The following EFCAB11 variants were observed in gnomAD, a reference collection of about 807,000 sequenced individuals.
EFCAB11 encodes the protein EF-hand calcium binding domain 11.
EFCAB11 carries 14 observed loss-of-function variants against 23.0 expected under a neutral mutation model. The ratio of observed to expected loss-of-function variants is 0.61; its 90% CI spans 0.40 to 0.95. The LOEUF (loss-of-function observed/expected upper bound fraction) is 0.95, where lower values mean the gene tolerates loss of function less well. EFCAB11 is among the 40% of genes least tolerant of loss of function. The pLI, the probability that EFCAB11 is intolerant of heterozygous loss-of-function variation, is 0.00. For synonymous variants in EFCAB11, 65 were observed against 66.6 expected, an observed-to-expected ratio of 0.98 and a Z score of 0.11; for missense variants, 198 against 195.8, an observed-to-expected ratio of 1.01 and a Z score of -0.07.
At chr14:89,939,973 G>A (rs578105756) in intron 3 of EFCAB11, among the ~76,000 whole-genome samples, 208 of 152,220 alleles carry the variant, frequency 1.4e-3, no homozygotes, top group African/African-American at 4.7e-3. Context: ...TCCTGACCTC[G>A]TGATCCACCT....
chr14:89,945,752 T>G (rs143881656), intron 3 of EFCAB11, among the ~76,000 whole-genome samples: 91 of 152,260 alleles, frequency 6.0e-4, no homozygotes, highest in Non-Finnish European at 1.0e-3. Flanking sequence ...TGGTTGACAG[T>G]GCTGTTCACG....
intron 5 of EFCAB11, among the ~76,000 whole-genome samples, chr14:89,814,082 CTAA>C (rs1886244447): frequency 1.9e-5 from 2 of 106,760 alleles, no homozygotes; most frequent in Non-Finnish European, 4.6e-5. Context: ...AAAAAAAAAA[CTAA>C]CCTTTTTTTT....
At chr14:89,939,657 A>G (rs922425305) in intron 3 of EFCAB11, among the ~76,000 whole-genome samples, 4 of 152,206 alleles carry the variant, frequency 2.6e-5, no homozygotes, top group African/African-American at 9.7e-5. Context: ...CTGAACTCTT[A>G]TAGGTTTTCT....
At chr14:89,840,027 G>A (rs1025828218) in intron 5 of EFCAB11, among the ~76,000 whole-genome samples, 3 of 152,244 alleles carry the variant, frequency 2.0e-5, no homozygotes, top group Non-Finnish European at 4.4e-5. Flanking sequence ...TGAGTCAAAA[G>A]GCAACAAAAT....
chr14:89,839,975 T>C (rs1368848319), intron 5 of EFCAB11, among the ~76,000 whole-genome samples: 2 of 152,184 alleles, frequency 1.3e-5, no homozygotes, highest in Admixed American at 6.5e-5. Flanking sequence ...TGAGATGAGA[T>C]TTGGGCAGAC....
rs10648464 is a variant in EFCAB11 at position 89,858,656 on chromosome 14, ATTTTTT to A, written c.411-61338_411-61333del. Among the ~76,000 whole-genome samples, 500 of 89,014 alleles carry A rather than the reference ATTTTTT, an allele frequency of 5.6e-3. 6 individuals are homozygous for A. Among genetic ancestry groups the A allele is most frequent in the African/African-American group, 0.018 (421 of 22,830 alleles). 58.4% of individuals were successfully genotyped at this position (89,014 alleles called of 152,430 possible). A position where few individuals can be genotyped will look rare whatever the true frequency, so the allele number is the denominator to read the frequency against. The stretch of plus-strand genomic sequence containing the variant: ...AGGTGTGCATCACCACACCCAGCTA[ATTTTTT>A]TTTTTTTTTTTTTTTTTTGTAGAGG... On this transcript the variant is annotated intron_variant, in intron 5 of 5. Transcript: ENST00000316738.
chr14:89,899,866 G>C (rs1230918512), intron 5 of EFCAB11, among the ~76,000 whole-genome samples: 1 of 152,090 alleles, frequency 6.6e-6, no homozygotes, highest in Non-Finnish European at 1.5e-5. Context: ...TGCACTGAGG[G>C]TAATACTGTG....
At chr14:89,804,230 G>A (rs1463743482) in intron 5 of EFCAB11, among the ~76,000 whole-genome samples, 1 of 152,184 alleles carries the variant, frequency 6.6e-6, no homozygotes, top group African/African-American at 2.4e-5. Flanking sequence ...CACAGAGCAG[G>A]TAGAACCCCT....
intron 3 of EFCAB11, among the ~76,000 whole-genome samples, chr14:89,944,432 A>G (rs1473684580): frequency 1.6e-4 from 25 of 152,226 alleles, no homozygotes; most frequent in Admixed American, 1.6e-3. Context: ...GGACACAGCC[A>G]ATCCATATCA....
chr14:89,949,550 G>C (rs1847142958), intron 3 of EFCAB11, among the ~76,000 whole-genome samples: 1 of 151,488 alleles, frequency 6.6e-6, no homozygotes, highest in Admixed American at 6.6e-5. Flanking sequence ...ATTTTTAGTA[G>C]AGACGGTGTT....
chr14:89,892,136 C>T (rs1888990791), intron 5 of EFCAB11: 1 of 1,556,238 alleles, frequency 6.4e-7, no homozygotes, highest in South Asian at 1.2e-5. Flanking sequence ...CATGGCCACT[C>T]AGGGCCCGGA....
chr14:89,824,756 G>A (rs954854071), intron 5 of EFCAB11, among the ~76,000 whole-genome samples: 7 of 152,060 alleles, frequency 4.6e-5, no homozygotes, highest in Non-Finnish European at 1.0e-4. Flanking sequence ...TACTGGTGGA[G>A]ATAATAAGAG....
At chr14:89,882,527 TCTCA>T (rs1396324479) in intron 5 of EFCAB11, among the ~76,000 whole-genome samples, 1 of 152,216 alleles carries the variant, frequency 6.6e-6, no homozygotes, top group Non-Finnish European at 1.5e-5. Context: ...CTATGACTTC[TCTCA>T]CTCTCTCTCT....
intron 5 of EFCAB11, among the ~76,000 whole-genome samples, chr14:89,805,252 G>C (rs1275189013): frequency 6.6e-6 from 1 of 152,180 alleles, no homozygotes; most frequent in Non-Finnish European, 1.5e-5. Context: ...TGGGGGAACA[G>C]ACCCCCACCC....
Position 89,842,621 on chromosome 14 carries a change from T to C in EFCAB11, c.411-45297A>G, listed in dbSNP as rs531317728. Among the ~76,000 whole-genome samples, 10 of 151,318 alleles carry C rather than the reference T, an allele frequency of 6.6e-5. No individual in the cohort carries two copies. In the East Asian group the frequency reaches 1.2e-3, roughly 18 times the overall value. ...TAATATGATATGATATGATATGATA[T>C]GATATGATATGATATGATATAATAT... is the stretch of plus-strand genomic sequence containing the variant. On this transcript the variant is annotated intron_variant, in intron 5 of 5. Transcript: ENST00000316738.
At chr14:89,953,758 G>C (rs1383002430) in intron 2 of EFCAB11, 148 bp downstream of exon 2, 3 of 594,950 alleles carry the variant, frequency 5.0e-6, no homozygotes, top group South Asian at 4.5e-5. Context: ...GAGGTGTTAA[G>C]AGGAAGCTAA....
intron 3 of EFCAB11, among the ~76,000 whole-genome samples, chr14:89,943,621 TCTTC>T (rs1276969137): frequency 1.3e-5 from 2 of 152,222 alleles, no homozygotes; most frequent in African/African-American, 4.8e-5. Context: ...ACATGTGCTC[TCTTC>T]CTTCAAGAGA....
At chr14:89,868,089 C>G (rs1888153841) in intron 5 of EFCAB11, among the ~76,000 whole-genome samples, 1 of 152,168 alleles carries the variant, frequency 6.6e-6, no homozygotes, top group South Asian at 2.1e-4. Flanking sequence ...ATTTGGAAAC[C>G]AATCCATTCT....
At chr14:89,940,227 T>C (rs1445030580) in intron 3 of EFCAB11, among the ~76,000 whole-genome samples, 1 of 152,162 alleles carries the variant, frequency 6.6e-6, no homozygotes, top group Non-Finnish European at 1.5e-5. Flanking sequence ...CCTTAATGTG[T>C]ATGCAGTTTC....
Sources: allele counts gnomAD v4.1 joint callset (sites outside exome capture counted in the v4.1 genomes callset), GRCh38; gene constraint gnomAD v4.1.1; transcripts MANE v1.5; gene names NCBI Gene and HGNC (gene_info 2026-07-23, HGNC 2026-07-21).